Variants in BCOR observed in about 807,000 individuals in gnomAD.
BCOR encodes BCL-6 corepressor.
Under a neutral mutation model 86.7 loss-of-function variants are expected in BCOR, and 10 were observed. The ratio of observed to expected loss-of-function variants is 0.12; its 90% CI spans 0.07 to 0.20. The LOEUF is 0.20. BCOR is among the 10% of genes least tolerant of loss of function. The pLI is 1.00. For synonymous variants in BCOR, 611 were observed against 609.0 expected, an observed-to-expected ratio of 1.00 and a Z score of -0.05; for missense variants, 1,259 against 1,452.1, an observed-to-expected ratio of 0.87 and a Z score of 2.16.
chrX:40,095,978 C>G (rs1309086756), intron 1 of BCOR, among the ~76,000 whole-genome samples: 1 of 112,734 alleles, frequency 8.9e-6, no homozygotes, highest in Non-Finnish European at 1.9e-5. Flanking sequence ...CCGCCCTACT[C>G]CACACACGGT....
chrX:40,088,322 G>A lies in BCOR; in HGVS notation c.-41+8893C>T, dbSNP rs770799218. 4.4e-5 allele frequency among the ~76,000 whole-genome samples: 5 copies of A among 112,723 alleles called. No homozygotes were observed. The Admixed American group carries it at 4.7e-4, about 11-fold the overall frequency. Reference sequence around the variant, plus strand: ...CTTTAAAATCGTGCGCTAAAATCGGGGGGAAACTGCTGGCCTGGTAAAACC... The same window carrying A: ...CTTTAAAATCGTGCGCTAAAATCGGAGGGAAACTGCTGGCCTGGTAAAACC... On this transcript the variant is annotated intron_variant, in intron 1 of 14. Coordinates refer to ENST00000378444, the MANE Select transcript of BCOR (RefSeq NM_001123385.2).
rs1934299294 is a variant in BCOR at position 40,051,502 on chromosome X, T to C, written c.*607A>G. On this transcript the variant is annotated 3_prime_UTR_variant, in exon 15 of 15. Transcript: ENST00000378444. ...TAAGAGCATAAAATGTTTAAACATA[T>C]AAACAATCCGGTTTGATGCGTGAAA... 2 of 172,373 alleles carry C rather than the reference T, an allele frequency of 1.2e-5. No homozygotes were observed. Among genetic ancestry groups the C allele is most frequent in the Non-Finnish European group, 1.1e-5 (1 of 90,071 alleles). 14.2% of individuals were successfully genotyped at this position (172,373 alleles called of 1,213,427 possible).
intron 1 of BCOR, among the ~76,000 whole-genome samples, chrX:40,139,718 G>A (rs948634768): frequency 9.8e-6 from 1 of 101,850 alleles, no homozygotes; most frequent in African/African-American, 3.5e-5. Flanking sequence ...GGCTGAGGCA[G>A]GAGAATCGCT....
Position 40,074,433 on chromosome X carries a change from G to A in BCOR, c.913C>T (p.Pro305Ser). The A allele has an allele frequency of 8.3e-7, 1 of 1,208,366 alleles. No homozygotes were observed. The highest frequency in any genetic ancestry group is 1.1e-6 in the Non-Finnish European group (1 of 893,646). The change falls in exon 4 of 15, where the codon CCT (proline) becomes TCT (serine). Residue 305 changes from proline (P) to serine (S), a missense_variant. By Grantham distance (74) the Pro-to-Ser change is moderately conservative. Around this residue, in one of 7 missense-constraint regions of BCOR, gnomAD observed 534 missense variants for 594.8 expected, o/e 0.90. Coordinates refer to ENST00000378444, the MANE Select transcript of BCOR (RefSeq NM_001123385.2). ...GGCTGCTTACTGTTCTGGATGTGAG[G>A]ATAGGCGTGGGAATCAACAGGATTC... is the stretch of plus-strand genomic sequence containing the variant. ...PGNPVDSHAY[P>S]HIQNSKQPRV...
chrX:40,077,984 GA>G lies in BCOR; in HGVS notation c.-40-16del, dbSNP rs1276093625. Reference sequence around the variant, plus strand: ...AAGCGTCTAGTCTGTTAAAAGGAAAGAAAAAAAATCCCAGGAGGTTCAGTAA... The same window carrying G: ...AAGCGTCTAGTCTGTTAAAAGGAAAGAAAAAAATCCCAGGAGGTTCAGTAA... On this transcript the variant is annotated splice_polypyrimidine_tract_variant and intron_variant, in intron 1 of 14. Transcript: ENST00000378444. The G allele has an allele frequency of 4.6e-5, 49 of 1,054,496 alleles. No individual in the cohort carries two copies. The South Asian group carries it at 4.9e-4, about 11-fold the overall frequency. The allele number at this position is 1,054,496 out of a possible 1,213,427, so 86.9% of individuals were successfully genotyped here.
At chrX:40,099,494 C>T (rs1937030467), upstream of BCOR, among the ~76,000 whole-genome samples, 2 of 112,009 alleles carry the variant, frequency 1.8e-5, no homozygotes, top group Admixed American at 9.4e-5. Flanking sequence ...GGTGCAGGCT[C>T]CATGAAACAT....
At chrX:40,090,914 C>G (rs1330356812) in intron 1 of BCOR, among the ~76,000 whole-genome samples, 6 of 109,767 alleles carry the variant, frequency 5.5e-5, no homozygotes, top group Admixed American at 1.9e-4. Context: ...CCCTATAAAC[C>G]TCTCCTCTCC....
chrX:40,072,421 G>A lies in BCOR; in HGVS notation c.2925C>T (p.Asp975=). 3.3e-6 allele frequency: 4 copies of A among 1,210,426 alleles called. No homozygotes were observed. The highest frequency in any genetic ancestry group is 4.5e-6 in the Non-Finnish European group (4 of 894,790). Residue 975 remains aspartate (D), a synonymous_variant, in exon 4 of 15, where the codon GAC becomes GAT. Transcript: ENST00000378444. ...RIANSAGYVG[D]RFKCVTTELY... is the part of the protein sequence containing the mutation. ...GTTCGGTAGTGACACATTTGAATCGGTCACCCACGTAACCCGCTGAGTTGG... is the reference window on the plus strand; with the variant it reads ...GTTCGGTAGTGACACATTTGAATCGATCACCCACGTAACCCGCTGAGTTGG...
intron 1 of BCOR, among the ~76,000 whole-genome samples, chrX:40,125,267 T>C (rs951808905): frequency 9.0e-6 from 1 of 111,623 alleles, no homozygotes; most frequent in Non-Finnish European, 1.9e-5. Flanking sequence ...GGAGTCTCAC[T>C]CTGTCACCCA....
Position 40,106,542 on chromosome X carries a change from G to GCTCCCGC in BCOR, c.-40-28580_-40-28574dup, listed in dbSNP as rs1176543193. Among the ~76,000 whole-genome samples, 49 of 108,115 alleles carry GCTCCCGC rather than the reference G, an allele frequency of 4.5e-4. No homozygotes were observed. In the Middle Eastern group the frequency reaches 0.015, roughly 32 times the overall value. 93.9% of individuals were successfully genotyped at this position (108,115 alleles called of 115,157 possible). A position where few individuals can be genotyped will look rare whatever the true frequency, so the allele number is the denominator to read the frequency against. The stretch of plus-strand genomic sequence containing the variant: ...GGCGCAGCGCCCCTCCCCCGCCCGC[G>GCTCCCGC]CTCCCGCCTCCCGCCCTCCCCGCGC... On this transcript the variant is annotated intron_variant, in intron 1 of 14. Coordinates refer to the BCOR transcript ENST00000342274.
At position 40,072,668 on chromosome X, in the gene BCOR, C is replaced by T; in HGVS notation, c.2678G>A (p.Gly893Glu). 8.3e-7 allele frequency: 1 copy of T among 1,211,971 alleles called. No individual in the cohort carries two copies. Among genetic ancestry groups the T allele is most frequent in the African/African-American group, 1.7e-5 (1 of 57,846 alleles). ...VLAGTNKENL[G>E]LPVSTPFLEP... is the part of the protein sequence containing the mutation. ...CAGGAATGGAGTCGAGACTGGCAAC[C>T]CTAGGTTCTCTTTGTTGGTACCTGC... The change falls in exon 4 of 15, where the codon GGG (glycine) becomes GAG (glutamate). Residue 893 changes from glycine to glutamate, a missense_variant. Around this residue, in one of 7 missense-constraint regions of BCOR, gnomAD observed 534 missense variants for 594.8 expected, o/e 0.90. Transcript: ENST00000378444.
At chrX:40,053,118 G>A (rs1283237511) in intron 14 of BCOR, among the ~76,000 whole-genome samples, 1 of 111,652 alleles carries the variant, frequency 9.0e-6, no homozygotes, top group Non-Finnish European at 1.9e-5. Context: ...CTCACTAACA[G>A]CATTATAAAC....
At chrX:40,160,660 T>C (rs1329711704) in intron 1 of BCOR, among the ~76,000 whole-genome samples, 2 of 75,109 alleles carry the variant, frequency 2.7e-5, no homozygotes, top group Non-Finnish European at 5.1e-5. Context: ...GATCCTCTAC[T>C]TTTTTTTTTT....
At chrX:40,115,044 G>T (rs905059088) in intron 1 of BCOR, among the ~76,000 whole-genome samples, 4 of 109,717 alleles carry the variant, frequency 3.6e-5, no homozygotes, top group African/African-American at 1.3e-4. Context: ...AGTAGAGACG[G>T]GGTTTCATTG....
At chrX:40,139,164 A>G (rs1937754922) in intron 1 of BCOR, among the ~76,000 whole-genome samples, 1 of 105,949 alleles carries the variant, frequency 9.4e-6, no homozygotes. Context: ...CAACATGTCT[A>G]TGAGGGAAAA....
intron 12 of BCOR, among the ~76,000 whole-genome samples, chrX:40,054,795 T>C (rs1934510314): frequency 8.9e-6 from 1 of 112,860 alleles, no homozygotes; most frequent in African/African-American, 3.2e-5. Context: ...GAGCCAACTG[T>C]GTCCGGCCTA....
At chrX:40,168,433 C>A (rs1602282647) in intron 1 of BCOR, among the ~76,000 whole-genome samples, 1 of 112,963 alleles carries the variant, frequency 8.9e-6, no homozygotes, top group East Asian at 2.8e-4. Context: ...GCAAACACCC[C>A]CCTCCTAGCC....
intron 1 of BCOR, among the ~76,000 whole-genome samples, chrX:40,142,354 G>A (rs1272954753): frequency 8.9e-6 from 1 of 112,231 alleles, no homozygotes; most frequent in Non-Finnish European, 1.9e-5. Context: ...AAGCCCTGGT[G>A]GCTCTTGTAT....
intron 11 of BCOR, among the ~76,000 whole-genome samples, chrX:40,055,823 G>A (rs984328389): frequency 1.4e-4 from 15 of 103,991 alleles, no homozygotes; most frequent in African/African-American, 4.6e-4. Context: ...CTTTTTTTGC[G>A]GGGGTGGGGG....
Sources: gnomAD v4.1 joint callset for allele counts (sites outside exome capture counted in the v4.1 genomes callset) on GRCh38, gnomAD v4.1.1 for gene constraint, gnomAD v4.1.1 regional missense constraint, MANE v1.5 for transcripts, NCBI Gene and HGNC (gene_info 2026-07-23, HGNC 2026-07-21) for gene names.